Variants in TMEM50B observed in about 807,000 individuals in gnomAD.
TMEM50B encodes the protein HCV p7-trans-regulated protein 3.
A neutral mutation model predicts 23.4 loss-of-function variants in TMEM50B; 14 were observed. That is an observed-to-expected ratio of 0.60 (90% CI 0.39 to 0.93). The LOEUF (loss-of-function observed/expected upper bound fraction) is 0.93. Among genes scored for constraint, TMEM50B ranks in the 40% least tolerant of loss-of-function variants. The probability of loss-of-function intolerance (pLI) is 0.00; values close to 1 mark genes in which losing one functional copy is unlikely to be tolerated. For synonymous variants in TMEM50B, 64 were observed against 62.3 expected (o/e 1.03, Z -0.13); for missense variants, 159 against 193.0 (o/e 0.82, Z 1.04).
chr21:33,438,891 G>A (rs1001302017), intron 8 of TMEM50B, among the ~76,000 whole-genome samples: 4 of 151,978 alleles, frequency 2.6e-5, no homozygotes, highest in African/African-American at 4.8e-5. Context: ...CACTATGCCT[G>A]GCTAATTTTT....
chr21:33,452,315 A>G (rs1008343706), intron 6 of TMEM50B, among the ~76,000 whole-genome samples: 2 of 152,220 alleles, frequency 1.3e-5, no homozygotes, highest in Non-Finnish European at 2.9e-5. Flanking sequence ...GGGAGACCAC[A>G]TGGCTAGAGT....
chr21:33,442,250 C>G (rs771734658), intron 7 of TMEM50B, among the ~76,000 whole-genome samples: 1 of 152,142 alleles, frequency 6.6e-6, no homozygotes, highest in Non-Finnish European at 1.5e-5. Context: ...ACTGCCACTC[C>G]CAGCCTCCCT....
At chr21:33,432,890 C>CTTTT in intron 8 of TMEM50B, 5 of 1,477,658 alleles carry the variant, frequency 3.4e-6, no homozygotes, top group South Asian at 2.3e-5. Context: ...GCACACATCT[C>CTTTT]TTTTTTTTTT....
chr21:33,440,044 T>C (rs1050025765), intron 7 of TMEM50B, among the ~76,000 whole-genome samples: 7 of 152,000 alleles, frequency 4.6e-5, no homozygotes, highest in African/African-American at 1.7e-4. Context: ...AGACTCTGTC[T>C]CAAGAAAAAT....
chr21:33,460,343 G>T, intron 5 of TMEM50B, 70 bp downstream of exon 5: 1 of 936,234 alleles, frequency 1.1e-6, no homozygotes, highest in Non-Finnish European at 1.7e-6. Context: ...TGTACTCAAG[G>T]TAGAGTAAGC....
chr21:33,445,763 G>A (rs1289827849), downstream of TMEM50B, among the ~76,000 whole-genome samples: 1 of 151,608 alleles, frequency 6.6e-6, no homozygotes, highest in Non-Finnish European at 1.5e-5. Flanking sequence ...CTCCAGCCTG[G>A]ATGACAGAGT....
At position 33,470,559 on chromosome 21, in the gene TMEM50B, G is replaced by A. The variant is rs370029195; in HGVS notation, c.-41-1633C>T. On this transcript the variant is annotated intron_variant, in intron 1 of 6. Transcript: ENST00000542230. ...ATCCTGGCTAACATGGTGAAACCCC[G>A]TCTGTACTAAAAATACAAAAAAAAA... Among the ~76,000 whole-genome samples the A allele has an allele frequency of 1.2e-4, 18 of 150,768 alleles. No homozygotes were observed. In the East Asian group the frequency reaches 2.7e-3, roughly 23 times the overall value.
intron 4 of TMEM50B, among the ~76,000 whole-genome samples, chr21:33,463,263 GT>G (rs1175491829): frequency 5.3e-5 from 8 of 152,246 alleles, no homozygotes; most frequent in African/African-American, 1.9e-4. Context: ...CTGTACTCCA[GT>G]CTGGGTGACA....
intron 4 of TMEM50B, among the ~76,000 whole-genome samples, chr21:33,463,486 T>G (rs1426083617): frequency 2.0e-5 from 3 of 152,046 alleles, no homozygotes; most frequent in Non-Finnish European, 4.4e-5. Context: ...GGGAAGAGTA[T>G]TAACTATAAA....
At chr21:33,436,065 T>C (rs1187720007) in intron 8 of TMEM50B, among the ~76,000 whole-genome samples, 1 of 147,398 alleles carries the variant, frequency 6.8e-6, no homozygotes, top group East Asian at 2.0e-4. Flanking sequence ...TCAACAACAA[T>C]AAAAAATTGT....
At chr21:33,464,804 C>CAAAAAAAAAAA (rs59855166) in intron 4 of TMEM50B, among the ~76,000 whole-genome samples, 2 of 100,894 alleles carry the variant, frequency 2.0e-5, no homozygotes, top group African/African-American at 3.1e-5. Flanking sequence ...AACTCCGTCT[C>CAAAAAAAAAAA]AAAAAAAAAA....
downstream of TMEM50B, chr21:33,449,086 G>C (rs1311160131): frequency 6.6e-6 from 1 of 151,988 alleles, no homozygotes; most frequent in Non-Finnish European, 1.5e-5. Context: ...ATTGAAAACT[G>C]AACAGCAAAT....
intron 1 of TMEM50B, among the ~76,000 whole-genome samples, chr21:33,478,241 C>G (rs751094982): frequency 6.6e-6 from 1 of 152,012 alleles, no homozygotes. Flanking sequence ...CCGAGGCAAG[C>G]GGATCACTTG....
At chr21:33,432,678 A>G (rs1393402735) in exon 9 of TMEM50B, 1 of 1,609,532 alleles carries the variant, frequency 6.2e-7, no homozygotes, top group Non-Finnish European at 8.5e-7. Flanking sequence ...TGTGCGTAGG[A>G]AGATCATTCT....
intron 1 of TMEM50B, among the ~76,000 whole-genome samples, chr21:33,470,448 T>A (rs1184387536): frequency 2.3e-3 from 119 of 52,498 alleles, no homozygotes; most frequent in Admixed American, 3.6e-3. Context: ...AAAAAAAAAA[T>A]CGGCTAGGCT....
At chr21:33,479,081 CT>C (rs2084401948) in intron 1 of TMEM50B, 1 of 297,642 alleles carries the variant, frequency 3.4e-6, no homozygotes, top group Admixed American at 4.6e-5. Context: ...CGTCTCACTG[CT>C]TTGGTTTTGA....
At chr21:33,437,790 C>A (rs994850872) in intron 8 of TMEM50B, among the ~76,000 whole-genome samples, 2 of 151,912 alleles carry the variant, frequency 1.3e-5, no homozygotes, top group Non-Finnish European at 2.9e-5. Flanking sequence ...TCTAGACCCA[C>A]CTGGGCAACA....
At chr21:33,465,537 AT>A in intron 3 of TMEM50B, 128 bp from the exon 4 acceptor site, 2 of 645,950 alleles carry the variant, frequency 3.1e-6, no homozygotes, top group South Asian at 2.8e-5. Flanking sequence ...AATTTAACAT[AT>A]TTTTAACCTA....
At chr21:33,457,477 CTG>C (rs2084179816) in intron 5 of TMEM50B, among the ~76,000 whole-genome samples, 3 of 151,994 alleles carry the variant, frequency 2.0e-5, no homozygotes, top group Middle Eastern at 6.8e-3. Flanking sequence ...TGGTGAAACC[CTG>C]TCTCTACTAA....
Sources: allele counts gnomAD v4.1 joint callset (sites outside exome capture counted in the v4.1 genomes callset), GRCh38; gene constraint gnomAD v4.1.1; transcripts MANE v1.5; gene names NCBI Gene and HGNC (gene_info 2026-07-23, HGNC 2026-07-21).